The following STARD3 variants were observed in gnomAD, a reference collection of about 807,000 sequenced individuals.
The protein encoded by STARD3 is StAR related lipid transfer domain containing 3.
Under a neutral mutation model 62.0 loss-of-function variants are expected in STARD3, and 39 were observed. The observed-to-expected ratio is 0.63, with a 90% CI of 0.49 to 0.82. The LOEUF (loss-of-function observed/expected upper bound fraction) is 0.82. STARD3 is among the 40% of genes least tolerant of loss of function. The pLI is 0.00. For missense variants in STARD3, 543 were observed against 584.5 expected, an observed-to-expected ratio of 0.93 and a Z score of 0.73; for synonymous variants, 229 against 242.4, an observed-to-expected ratio of 0.94 and a Z score of 0.51.
intron 6 of STARD3, 55 bp from the exon 7 acceptor site, chr17:39,658,667 C>G (rs768868490): frequency 6.8e-6 from 11 of 1,608,296 alleles, no homozygotes; most frequent in Non-Finnish European, 9.4e-6. Flanking sequence ...GTGGGGGTAC[C>G]CCAGGCTGCT....
intron 1 of STARD3, among the ~76,000 whole-genome samples, chr17:39,638,188 C>T (rs2056951064): frequency 6.6e-6 from 1 of 152,234 alleles, no homozygotes; most frequent in Admixed American, 6.5e-5. Flanking sequence ...CCTGGGCCAG[C>T]TCCATCTCTT....
intron 1 of STARD3, 169 bp from the exon 2 acceptor site, chr17:39,653,312 G>A: frequency 1.7e-6 from 1 of 602,828 alleles, no homozygotes; most frequent in Non-Finnish European, 2.9e-6. Flanking sequence ...GCTCAACCCT[G>A]CAGCCTGGGA....
At chr17:39,654,745 C>T (rs978750135) in intron 2 of STARD3, among the ~76,000 whole-genome samples, 1 of 152,252 alleles carries the variant, frequency 6.6e-6, no homozygotes, top group African/African-American at 2.4e-5. Context: ...GCATGGGCTC[C>T]CCATCAGACT....
At chr17:39,638,112 CCT>C (rs1360279185) in intron 1 of STARD3, among the ~76,000 whole-genome samples, 5 of 152,230 alleles carry the variant, frequency 3.3e-5, no homozygotes, top group Admixed American at 3.3e-4. Context: ...TACACTTTCT[CCT>C]CTCTTTCAAG....
Position 39,659,465 on chromosome 17 carries a change from G to C in STARD3, c.707G>C (p.Arg236Pro), listed in dbSNP as rs570723359. The C allele has an allele frequency of 6.2e-7, 1 of 1,614,030 alleles. No homozygotes were observed. ...CTGCCTCCTGCTTCCGTCCAGGAGC[G>C]GGAGTACATCCGCCAGGGGAAGGAG... ...AGKKSFSAQEREYIRQGKEAT... is the reference protein window; with the variant it reads ...AGKKSFSAQEPEYIRQGKEAT... Residue 236 changes from arginine (R) to proline (P), a missense_variant, in exon 9 of 15, where the codon CGG becomes CCG. By Grantham distance (103) the Arg-to-Pro change is moderately radical. Coordinates refer to ENST00000336308, the MANE Select transcript of STARD3 (RefSeq NM_006804.4).
chr17:39,663,915 T>TC lies in STARD3; in HGVS notation c.*1011dup. Among the ~76,000 whole-genome samples the TC allele has an allele frequency of 6.6e-6, 1 of 151,752 alleles. No individual in the cohort carries two copies. ...CCAGACTCCACTCACCCATTCCCTC[T>TC]CCCCGCACGGCACTCACACCAGGGG... is the stretch of plus-strand genomic sequence containing the variant. On this transcript the variant is annotated 3_prime_UTR_variant, in exon 15 of 15. Transcript: ENST00000336308.
intron 7 of STARD3, 54 bp downstream of exon 7, chr17:39,658,874 G>A (rs2057162413): frequency 2.5e-6 from 4 of 1,593,946 alleles, no homozygotes; most frequent in Non-Finnish European, 2.6e-6. Context: ...TGTGAGGAAT[G>A]GGGTAGGCTG....
At position 39,653,651 on chromosome 17, in the gene STARD3, T is replaced by G. The variant is rs759489291; in HGVS notation, c.120T>G (p.Pro40=). 6.2e-7 allele frequency: 1 copy of G among 1,614,120 alleles called. No individual in the cohort carries two copies. Among genetic ancestry groups the G allele is most frequent in the South Asian group, 1.1e-5 (1 of 91,088 alleles). ...TCTCCTCGCACCTCCTTCCGCCGCCTGAGAAGCGAAGGGCCATCTCTGATG... is the reference window on the plus strand; with the variant it reads ...TCTCCTCGCACCTCCTTCCGCCGCCGGAGAAGCGAAGGGCCATCTCTGATG... ...QSLSSHLLPP[P]EKRRAISDVR... The change falls in exon 2 of 15, where the codon CCT becomes CCG. Residue 40 remains proline (P), a synonymous_variant. Transcript: ENST00000336308.
intron 13 of STARD3, 63 bp downstream of exon 13, chr17:39,661,148 C>G: frequency 1.4e-6 from 2 of 1,473,236 alleles, no homozygotes; most frequent in Non-Finnish European, 1.9e-6. Context: ...TTGAGCAGTG[C>G]AGGGTACAGC....
chr17:39,646,551 C>G (rs951334964), intron 1 of STARD3, among the ~76,000 whole-genome samples: 1 of 152,184 alleles, frequency 6.6e-6, no homozygotes, highest in Non-Finnish European at 1.5e-5. Flanking sequence ...CCACACCCAG[C>G]CTATTGTTGC....
chr17:39,659,682 T>C, intron 9 of STARD3, 129 bp downstream of exon 9: 1 of 1,021,310 alleles, frequency 9.8e-7, no homozygotes, highest in South Asian at 1.6e-5. Flanking sequence ...GAGAGGGAGC[T>C]GGGCCCTCGG....
At position 39,658,718 on chromosome 17, in the gene STARD3, C is replaced by T. The variant is rs2057160157; in HGVS notation, c.548-4C>T. 1 of 1,613,956 alleles carries T rather than the reference C, an allele frequency of 6.2e-7. No homozygotes were observed. Among genetic ancestry groups the T allele is most frequent in the Admixed American group, 1.7e-5 (1 of 60,018 alleles). ...TCGGTCCGGGACCGAGTCTGCTCCT[C>T]CAGGGTATCTTGCCGCCCAGGTTGC... On this transcript the variant is annotated splice_polypyrimidine_tract_variant and splice_region_variant and intron_variant, in intron 6 of 14. Coordinates refer to ENST00000336308, the MANE Select transcript of STARD3 (RefSeq NM_006804.4).
chr17:39,648,661 G>A (rs1292598197), intron 1 of STARD3, among the ~76,000 whole-genome samples: 1 of 152,164 alleles, frequency 6.6e-6, no homozygotes, highest in Non-Finnish European at 1.5e-5. Context: ...GCTGCTTTCG[G>A]TGGGAGGGTG....
At position 39,637,180 on chromosome 17, in the gene STARD3, C is replaced by G. The variant is rs995390655; in HGVS notation, c.-103C>G. Reference sequence around the variant, plus strand: ...CTGAGGCGCTACTGAGGCCGCGGAGCCGGACTGCGGTTGGGGCGGGAAGAG... The same window carrying G: ...CTGAGGCGCTACTGAGGCCGCGGAGGCGGACTGCGGTTGGGGCGGGAAGAG... On this transcript the variant is annotated 5_prime_UTR_variant, in exon 1 of 15. Coordinates refer to ENST00000336308, the MANE Select transcript of STARD3 (RefSeq NM_006804.4). The G allele has an allele frequency of 3.3e-5, 5 of 152,266 alleles. No homozygotes were observed. Among genetic ancestry groups the G allele is most frequent in the Non-Finnish European group, 7.3e-5 (5 of 68,086 alleles). The allele number at this position is 152,266 out of a possible 1,614,324, so 9.4% of individuals were successfully genotyped here.
At chr17:39,651,453 C>CTACT (rs1039245111) in intron 1 of STARD3, among the ~76,000 whole-genome samples, 3 of 152,220 alleles carry the variant, frequency 2.0e-5, no homozygotes, top group African/African-American at 7.2e-5. Context: ...AGACCCCAAA[C>CTACT]TACTCCCTGG....
intron 1 of STARD3, among the ~76,000 whole-genome samples, chr17:39,644,686 A>AAAAG (rs1555604053): frequency 2.6e-5 from 4 of 150,958 alleles, no homozygotes; most frequent in African/African-American, 9.8e-5. Context: ...AAAAAAAAAA[A>AAAAG]AAGAAGAAGA....
At chr17:39,650,507 G>A (rs1567856380) in intron 1 of STARD3, among the ~76,000 whole-genome samples, 2 of 152,034 alleles carry the variant, frequency 1.3e-5, no homozygotes, top group Non-Finnish European at 2.9e-5. Context: ...CAGCTAAAAA[G>A]ATAATTACAA....
intron 2 of STARD3, among the ~76,000 whole-genome samples, chr17:39,655,544 A>T (rs1194463271): frequency 6.6e-6 from 1 of 152,152 alleles, no homozygotes; most frequent in Non-Finnish European, 1.5e-5. Flanking sequence ...TGCAGTCCTC[A>T]TGCGTACCTG....
In STARD3 at chr17:39,658,490, A is replaced by G; in HGVS notation, c.515A>G (p.Lys172Arg). Reference protein sequence around the residue: ...AWLETWFLDFKVLPQEAEEER... With the variant: ...AWLETWFLDFRVLPQEAEEER... ...TTGGAGACCTGGTTCCTTGACTTCA[A>G]AGTCCTACCCCAGGAAGCTGAAGAG... Residue 172 changes from lysine (K) to arginine (R), a missense_variant, in exon 6 of 15, where the codon AAA (lysine) becomes AGA (arginine). By Grantham distance (26) the Lys-to-Arg change is conservative. Coordinates refer to ENST00000336308, the MANE Select transcript of STARD3 (RefSeq NM_006804.4). 1.2e-6 allele frequency: 2 copies of G among 1,614,084 alleles called. No homozygotes were observed. The highest frequency in any genetic ancestry group is 1.7e-6 in the Non-Finnish European group (2 of 1,179,980).
Sources: gnomAD v4.1 joint callset for allele counts (sites outside exome capture counted in the v4.1 genomes callset) on GRCh38, gnomAD v4.1.1 for gene constraint, MANE v1.5 for transcripts, NCBI Gene and HGNC (gene_info 2026-07-23, HGNC 2026-07-21) for gene names.